The following PRSS58 variants were observed in gnomAD, a reference collection of about 807,000 sequenced individuals.
The protein encoded by PRSS58 is protease, serine 58.
A neutral mutation model predicts 25.0 loss-of-function variants in PRSS58; 31 were observed. The ratio of observed to expected loss-of-function variants is 1.24; its 90% CI spans 0.93 to 1.67. The LOEUF (loss-of-function observed/expected upper bound fraction) is 1.67. Among genes scored for constraint, PRSS58 ranks in the 40% most tolerant of loss-of-function variants. The pLI, the probability that PRSS58 is intolerant of heterozygous loss-of-function variation, is 0.00. For missense variants in PRSS58, 324 were observed against 287.9 expected, an observed-to-expected ratio of 1.13 and a Z score of -0.91; for synonymous variants, 119 against 106.1, an observed-to-expected ratio of 1.12 and a Z score of -0.75.
At chr7:142,257,128 T>C (rs1798569921) in intron 2 of PRSS58, among the ~76,000 whole-genome samples, 2 of 151,932 alleles carry the variant, frequency 1.3e-5, no homozygotes, top group African/African-American at 4.8e-5. Flanking sequence ...GGTAGAGGGG[T>C]CTGTTAGGAG....
Position 142,255,114 on chromosome 7 carries a change from G to T in PRSS58, c.377C>A (p.Thr126Asn), listed in dbSNP as rs750785269. ...YVKLANLPYQTISENTMCSVS... is the reference protein window; with the variant it reads ...YVKLANLPYQNISENTMCSVS... ...AGAGCACATGGTATTTTCAGAGATAGTTTGGTAGGGCAGGTTGGCTAATTT... is the reference window on the plus strand; with the variant it reads ...AGAGCACATGGTATTTTCAGAGATATTTTGGTAGGGCAGGTTGGCTAATTT... The change falls in exon 4 of 6, where the codon ACT becomes AAT. Residue 126 changes from threonine to asparagine, a missense_variant. By Grantham distance (65) the Thr-to-Asn change is moderately conservative (BLOSUM62 0). Coordinates refer to ENST00000547058, the MANE Select transcript of PRSS58 (RefSeq NM_001001317.5). The T allele has an allele frequency of 1.8e-5, 29 of 1,613,868 alleles. No individual in the cohort carries two copies.
In PRSS58 at chr7:142,252,358, C is replaced by T; in HGVS notation, c.589G>A (p.Ala197Thr). Reference sequence around the variant, plus strand: ...AGCATCCCATTGCAGATTGCCGGGGCAGCAGAAACTTCCTGCCAGGAAAAC... The same window carrying T: ...AGCATCCCATTGCAGATTGCCGGGGTAGCAGAAACTTCCTGCCAGGAAAAC... ...RRQPCKEVSA[A>T]PAICNGMLQG... The change falls in exon 6 of 6, where the codon GCC (alanine) becomes ACC (threonine). Residue 197 changes from alanine to threonine, a missense_variant. Physicochemically the swap from Ala to Thr is moderately conservative, Grantham distance 58 (BLOSUM62 0). Transcript: ENST00000547058. 6.2e-7 allele frequency: 1 copy of T among 1,613,502 alleles called. No homozygotes were observed. The highest frequency in any genetic ancestry group is 2.2e-5 in the East Asian group (1 of 44,880).
At position 142,252,374 on chromosome 7, in the gene PRSS58, C is replaced by A; in HGVS notation, c.577-4G>T. 3.7e-6 allele frequency: 6 copies of A among 1,612,126 alleles called. No individual in the cohort carries two copies. Among genetic ancestry groups the A allele is most frequent in the Non-Finnish European group, 5.1e-6 (6 of 1,179,466 alleles). ...TTGCCGGGGCAGCAGAAACTTCCTG[C>A]CAGGAAAACAATAATAACAACAACA... is the stretch of plus-strand genomic sequence containing the variant. On this transcript the variant is annotated splice_region_variant and splice_polypyrimidine_tract_variant and intron_variant, in intron 5 of 5. Coordinates refer to ENST00000547058, the MANE Select transcript of PRSS58 (RefSeq NM_001001317.5).
chr7:142,257,265 T>C (rs1041020241), intron 2 of PRSS58, among the ~76,000 whole-genome samples: 7 of 152,022 alleles, frequency 4.6e-5, no homozygotes, highest in African/African-American at 1.7e-4. Context: ...AGATCAAACG[T>C]GGGGTATGAG....
rs751154473 is a variant in PRSS58 at position 142,257,651 on chromosome 7, A to G, written c.40+17T>C. The G allele has an allele frequency of 6.2e-7, 1 of 1,605,644 alleles. No individual in the cohort carries two copies. The highest frequency in any genetic ancestry group is 1.1e-5 in the South Asian group (1 of 90,766). ...TTTCTCTTTGGTGGGTAAAGAGACAAATATGCACACACTCACCAGTCAGAT... is the reference window on the plus strand; with the variant it reads ...TTTCTCTTTGGTGGGTAAAGAGACAGATATGCACACACTCACCAGTCAGAT... On this transcript the variant is annotated intron_variant, in intron 2 of 5. Coordinates refer to ENST00000547058, the MANE Select transcript of PRSS58 (RefSeq NM_001001317.5).
rs1425342651 is a variant in PRSS58 at position 142,255,683 on chromosome 7, G to A, written c.41-10C>T. 6.3e-7 allele frequency: 1 copy of A among 1,589,902 alleles called. No individual in the cohort carries two copies. The highest frequency in any genetic ancestry group is 2.3e-5 in the East Asian group (1 of 44,296). ...TTAAAGGCCAAAGCAACTGGAAAGAGAAGCATAGACAAGAAATTCCAAGAT... is the reference window on the plus strand; with the variant it reads ...TTAAAGGCCAAAGCAACTGGAAAGAAAAGCATAGACAAGAAATTCCAAGAT... On this transcript the variant is annotated splice_polypyrimidine_tract_variant and intron_variant, in intron 2 of 5. Transcript: ENST00000547058.
At position 142,252,293 on chromosome 7, in the gene PRSS58, T is replaced by G. The variant is rs758368511; in HGVS notation, c.654A>C (p.Arg218Ser). 2.5e-6 allele frequency: 4 copies of G among 1,614,108 alleles called. No homozygotes were observed. The East Asian group carries it at 8.9e-5, about 36-fold the overall frequency. ...TTTTGGCATAGATGCCAACATCAGC[T>G]CTCAAAACACATCCATCCGCAAAAG... ...ILSFADGCVLRADVGIYAKIF... is the reference protein window; with the variant it reads ...ILSFADGCVLSADVGIYAKIF... The change falls in exon 6 of 6, where the codon AGA (arginine) becomes AGC (serine). Residue 218 changes from arginine to serine, a missense_variant. Arg to Ser is a moderately radical substitution (Grantham distance 110). Coordinates refer to ENST00000547058, the MANE Select transcript of PRSS58 (RefSeq NM_001001317.5).
chr7:142,255,259 G>A lies in PRSS58; in HGVS notation c.232C>T (p.His78Tyr). The A allele has an allele frequency of 2.5e-6, 4 of 1,613,328 alleles. No homozygotes were observed. The highest frequency in any genetic ancestry group is 3.4e-6 in the Non-Finnish European group (4 of 1,179,320). ...VTIPADSNEK[H>Y]LQVIGYEKMI... ...TTCTCATAGCCAATCACTTGCAGAT[G>A]CTTTTCATTAGAGTCTGCTGGGATT... Residue 78 changes from histidine (H) to tyrosine (Y), a missense_variant, in exon 4 of 6, where the codon CAT (histidine) becomes TAT (tyrosine). Coordinates refer to ENST00000547058, the MANE Select transcript of PRSS58 (RefSeq NM_001001317.5).
In PRSS58 at chr7:142,257,754, A is replaced by G. The variant is rs763810070; in HGVS notation, c.-41-6T>C. ...TAGCTCCAGTCTCTGGAAAACTGGG[A>G]AGAGAGAGAGAAAACAACTAAATAA... On this transcript the variant is annotated splice_polypyrimidine_tract_variant and splice_region_variant and intron_variant, in intron 1 of 5. Transcript: ENST00000547058. The G allele has an allele frequency of 3.3e-5, 49 of 1,483,140 alleles. 2 individuals are homozygous for G. In the South Asian group the frequency reaches 5.4e-4, roughly 16 times the overall value. 91.9% of individuals were successfully genotyped at this position (1,483,140 alleles called of 1,614,324 possible).
rs773863126 is a variant in PRSS58 at position 142,255,263 on chromosome 7, T to G, written c.228A>C (p.Glu76Asp). 15 of 1,613,822 alleles carry G rather than the reference T, an allele frequency of 9.3e-6. No homozygotes were observed. The highest frequency in any genetic ancestry group is 9.3e-6 in the Non-Finnish European group (11 of 1,179,732). ...LGVTIPADSN[E>D]KHLQVIGYEK... ...CATAGCCAATCACTTGCAGATGCTT[T>G]TCATTAGAGTCTGCTGGGATTGTAA... Residue 76 changes from glutamate to aspartate, a missense_variant, in exon 4 of 6, where the codon GAA becomes GAC. Physicochemically the swap from Glu to Asp is conservative, Grantham distance 45. Coordinates refer to ENST00000547058, the MANE Select transcript of PRSS58 (RefSeq NM_001001317.5).
At position 142,255,821 on chromosome 7, in the gene PRSS58, C is replaced by T. The variant is rs76418202; in HGVS notation, c.41-148G>A. The T allele has an allele frequency of 0.01, 6,254 of 607,584 alleles. 286 individuals are homozygous for T. The East Asian group carries it at 0.13, about 13-fold the overall frequency. The allele number at this position is 607,584 out of a possible 1,614,324, so 37.6% of individuals were successfully genotyped here. On this transcript the variant is annotated intron_variant, in intron 2 of 5. Coordinates refer to ENST00000547058, the MANE Select transcript of PRSS58 (RefSeq NM_001001317.5). ...AAATGACTTACTTTGTTCTAAAACA[C>T]GAAGAAAAGACAAATGGTAGAAACA...
intron 2 of PRSS58, among the ~76,000 whole-genome samples, 183 bp from the exon 3 acceptor site, chr7:142,255,856 T>C (rs1422109878): frequency 1.3e-5 from 2 of 152,232 alleles, no homozygotes; most frequent in East Asian, 1.9e-4. Flanking sequence ...ATATCTCTTT[T>C]GAAAAATAAA....
At chr7:142,253,730 T>C (rs1308334438) in intron 4 of PRSS58, among the ~76,000 whole-genome samples, 2 of 152,208 alleles carry the variant, frequency 1.3e-5, no homozygotes, top group African/African-American at 2.4e-5. Flanking sequence ...TTGGGAATAC[T>C]TCTGTAGGAA....
intron 2 of PRSS58, among the ~76,000 whole-genome samples, chr7:142,257,039 A>C (rs941951112): frequency 1.8e-4 from 28 of 152,244 alleles, no homozygotes; most frequent in African/African-American, 6.5e-4. Context: ...CCTGAGTACA[A>C]ATGGAACCAC....
At chr7:142,255,490 C>T in intron 3 of PRSS58, 45 bp downstream of exon 3, 1 of 1,613,390 alleles carries the variant, frequency 6.2e-7, no homozygotes, top group Non-Finnish European at 8.5e-7. Flanking sequence ...TGTGCCCAAC[C>T]TGAGAACCCA....
chr7:142,256,884 G>A (rs1348560632), intron 2 of PRSS58, among the ~76,000 whole-genome samples: 2 of 152,064 alleles, frequency 1.3e-5, no homozygotes, highest in Admixed American at 6.6e-5. Flanking sequence ...GGCAACAGCT[G>A]CAGCATGGGT....
intron 3 of PRSS58, 66 bp downstream of exon 3, chr7:142,255,469 G>A: frequency 6.2e-7 from 1 of 1,604,554 alleles, no homozygotes; most frequent in Non-Finnish European, 8.5e-7. Flanking sequence ...TCTCAGACAG[G>A]GGTGAGAGTC....
At position 142,255,149 on chromosome 7, in the gene PRSS58, A is replaced by G. The variant is rs140948598; in HGVS notation, c.342T>C (p.Asn114=). Residue 114 remains asparagine (N), a synonymous_variant, in exon 4 of 6, where the codon AAT becomes AAC. Transcript: ENST00000547058. ...LIKLKTEAEL[N]DYVKLANLPY... ...GCAGGTTGGCTAATTTCACATAGTC[A>G]TTGAGTTCAGCCTCTGTTTTCAGCT... 1.7e-4 allele frequency: 270 copies of G among 1,614,108 alleles called. 1 individual carries two copies. In the African/African-American group the frequency reaches 3.4e-3, roughly 20 times the overall value.
chr7:142,255,582 G>C lies in PRSS58; in HGVS notation c.132C>G (p.Val44=). The change falls in exon 3 of 6, where the codon GTC becomes GTG. Residue 44 remains valine, a synonymous_variant. Coordinates refer to ENST00000547058, the MANE Select transcript of PRSS58 (RefSeq NM_001001317.5). ...TGATCACCCAAAGCGGGTGGATCAGGACTCCAGCGCAGGGCAAGTAGTCAG... is the reference window on the plus strand; with the variant it reads ...TGATCACCCAAAGCGGGTGGATCAGCACTCCAGCGCAGGGCAAGTAGTCAG... ...LKSDYLPCAG[V]LIHPLWVITA... 6.2e-7 allele frequency: 1 copy of C among 1,614,100 alleles called. No individual in the cohort carries two copies. The highest frequency in any genetic ancestry group is 8.5e-7 in the Non-Finnish European group (1 of 1,179,988).
Sources: gnomAD v4.1 joint callset for allele counts (sites outside exome capture counted in the v4.1 genomes callset) on GRCh38, gnomAD v4.1.1 for gene constraint, MANE v1.5 for transcripts, NCBI Gene and HGNC (gene_info 2026-07-23, HGNC 2026-07-21) for gene names.